PTPRT: variants seen among roughly 807,000 people sequenced by gnomAD.
The protein encoded by PTPRT is receptor-type tyrosine-protein phosphatase T.
In PTPRT, 56 loss-of-function variants were observed where a neutral mutation model predicts 176.8. That is an observed-to-expected ratio of 0.32 (90% CI 0.26 to 0.40). The LOEUF (loss-of-function observed/expected upper bound fraction) is 0.40. Ranked by LOEUF, PTPRT falls within the 10% of genes least tolerant of loss-of-function variation. The pLI is 1.00. For synonymous variants in PTPRT, 783 were observed against 739.0 expected (o/e 1.06, Z -0.96); for missense variants, 1,540 against 1,908.2 (o/e 0.81, Z 3.60).
At chr20:42,051,412 C>A in the PTPRT span, among the ~76,000 whole-genome samples, 1 of 152,298 alleles carries the variant, frequency 6.6e-6, no homozygotes, top group South Asian at 2.1e-4. Context: ...GGAAGTGAGG[C>A]AAGGAGGGAA....
chr20:42,099,898 T>C (rs1233363867), intron 26 of PTPRT, among the ~76,000 whole-genome samples: 2 of 152,176 alleles, frequency 1.3e-5, no homozygotes, highest in Non-Finnish European at 2.9e-5. Context: ...AGGCAAATAA[T>C]TTATTTTCCA....
At chr20:42,195,563 A>G (rs1157998570) in intron 16 of PTPRT, among the ~76,000 whole-genome samples, 1 of 152,116 alleles carries the variant, frequency 6.6e-6, no homozygotes, top group Non-Finnish European at 1.5e-5. Flanking sequence ...AAAGATCCTG[A>G]GAGTGTTTTT....
At chr20:42,306,474 A>G (rs2057546291) in intron 12 of PTPRT, among the ~76,000 whole-genome samples, 1 of 152,186 alleles carries the variant, frequency 6.6e-6, no homozygotes, top group African/African-American at 2.4e-5. Flanking sequence ...TGTTTACCCG[A>G]TTGAGATTTT....
intron 14 of PTPRT, among the ~76,000 whole-genome samples, chr20:42,236,717 ACTT>A (rs1226245180): frequency 2.0e-5 from 3 of 151,748 alleles, no homozygotes; most frequent in East Asian, 3.9e-4. Flanking sequence ...GCAACACCAA[ACTT>A]CTTCTGTCTC....
intron 12 of PTPRT, among the ~76,000 whole-genome samples, chr20:42,293,108 C>T (rs1024391201): frequency 3.9e-5 from 6 of 152,196 alleles, no homozygotes; most frequent in Admixed American, 3.3e-4. Context: ...AGGCAATAGC[C>T]AAGGCCATGA....
intron 7 of PTPRT, among the ~76,000 whole-genome samples, chr20:42,649,070 C>T (rs1049163760): frequency 2.0e-5 from 3 of 151,970 alleles, no homozygotes; most frequent in African/African-American, 4.8e-5. Context: ...CCGCCCACCT[C>T]GGCCTCCCAA....
At chr20:42,546,188 C>T (rs1161505371) in intron 7 of PTPRT, among the ~76,000 whole-genome samples, 3 of 152,096 alleles carry the variant, frequency 2.0e-5, no homozygotes, top group African/African-American at 4.8e-5. Context: ...ATTCACAAAT[C>T]GGGCAAACCC....
At chr20:43,152,551 T>G (rs2014393253) in intron 1 of PTPRT, among the ~76,000 whole-genome samples, 1 of 152,192 alleles carries the variant, frequency 6.6e-6, no homozygotes, top group Admixed American at 6.5e-5. Context: ...TGCCCCAATC[T>G]GAGCAGCAAG....
chr20:42,734,670 C>T (rs1308103573), intron 6 of PTPRT, among the ~76,000 whole-genome samples: 1 of 152,148 alleles, frequency 6.6e-6, no homozygotes. Context: ...GACAAACAAC[C>T]CCGAATCTTG....
intron 19 of PTPRT, among the ~76,000 whole-genome samples, chr20:42,123,258 C>G (rs1369138852): frequency 1.3e-5 from 2 of 152,198 alleles, no homozygotes; most frequent in Non-Finnish European, 2.9e-5. Flanking sequence ...GCAAGAGATT[C>G]ACATTTTAGT....
intron 1 of PTPRT, among the ~76,000 whole-genome samples, chr20:43,106,666 G>GAAAAAAAAAA (rs71193676): frequency 3.4e-5 from 3 of 86,998 alleles, no homozygotes; most frequent in Admixed American, 1.6e-4. Flanking sequence ...CTCAAAAAAA[G>GAAAAAAAAAA]AAAAAAAAAA....
At chr20:42,114,335 A>G (rs1987163359) in intron 22 of PTPRT, among the ~76,000 whole-genome samples, 1 of 152,242 alleles carries the variant, frequency 6.6e-6, no homozygotes, top group Non-Finnish European at 1.5e-5. Context: ...TGGGAGGATT[A>G]ACTGAGTTAC....
rs58932390 is a variant in PTPRT at position 42,409,481 on chromosome 20, C to CA, written c.1560+38738dup. ...TGGGCAACAGAACGAGACTCTGTCG[C>CA]AAAAAAAAAAAAAAAAAAAAAAAAA... On this transcript the variant is annotated intron_variant, in intron 9 of 30. Transcript: ENST00000373187. Among the ~76,000 whole-genome samples, 104 of 112,148 alleles carry CA rather than the reference C, an allele frequency of 9.3e-4. 11 individuals carry two copies. The highest frequency in any genetic ancestry group is 1.5e-3 in the East Asian group (5 of 3,334). 73.6% of individuals were successfully genotyped at this position (112,148 alleles called of 152,430 possible).
At chr20:42,950,502 T>C (rs1981170999) in intron 1 of PTPRT, among the ~76,000 whole-genome samples, 1 of 152,164 alleles carries the variant, frequency 6.6e-6, no homozygotes, top group Admixed American at 6.5e-5. Context: ...CAGAAGTCTG[T>C]GGAAACAGCA....
rs1397890126 is a variant in PTPRT at position 42,621,611 on chromosome 20, G to T, written c.1153+56255C>A. ...TCCTTGGCTTCTGAGTGATCCTATA[G>T]CCTCTCAGTTTTCCTTCTGGATTTG... On this transcript the variant is annotated intron_variant, in intron 7 of 30. Coordinates refer to ENST00000373187, the MANE Select transcript of PTPRT (RefSeq NM_007050.6). Among the ~76,000 whole-genome samples the T allele has an allele frequency of 2.6e-5, 4 of 152,120 alleles. No homozygotes were observed. The East Asian group carries it at 7.7e-4, about 29-fold the overall frequency.
At chr20:42,085,655 G>A in intron 28 of PTPRT, 73 bp downstream of exon 28, 1 of 1,589,130 alleles carries the variant, frequency 6.3e-7, no homozygotes, top group South Asian at 1.1e-5. Flanking sequence ...TGGCTCAGCG[G>A]GATCCTCTCT....
At chr20:42,893,073 A>T (rs946464554) in intron 1 of PTPRT, among the ~76,000 whole-genome samples, 1 of 152,162 alleles carries the variant, frequency 6.6e-6, no homozygotes, top group African/African-American at 2.4e-5. Context: ...CAGAGTGAAC[A>T]GGCAACCTAC....
At chr20:42,403,497 G>T (rs1029773591) in intron 9 of PTPRT, among the ~76,000 whole-genome samples, 2 of 152,162 alleles carry the variant, frequency 1.3e-5, no homozygotes, top group African/African-American at 2.4e-5. Context: ...GTGACAGGTT[G>T]TGTGGATGAG....
Position 42,118,650 on chromosome 20 carries a change from G to A in PTPRT, c.2885-150C>T, listed in dbSNP as rs1987420136. 2.5e-5 allele frequency: 14 copies of A among 567,504 alleles called. No individual in the cohort carries two copies. In the South Asian group the frequency reaches 3.2e-4, roughly 13 times the overall value. The allele number at this position is 567,504 out of a possible 1,614,324, so 35.2% of individuals were successfully genotyped here. A position where few individuals can be genotyped will look rare whatever the true frequency, so the allele number is the denominator to read the frequency against. On this transcript the variant is annotated intron_variant, in intron 20 of 30. Coordinates refer to ENST00000373187, the MANE Select transcript of PTPRT (RefSeq NM_007050.6). ...TAAGACACCAAGTATCTGAGACACG[G>A]GCCTGAGACATGTGAGCCTGATGGG...
Sources: gnomAD v4.1 joint callset for allele counts (sites outside exome capture counted in the v4.1 genomes callset) on GRCh38, gnomAD v4.1.1 for gene constraint, MANE v1.5 for transcripts, NCBI Gene and HGNC (gene_info 2026-07-23, HGNC 2026-07-21) for gene names.